The following TACC3 variants were observed in gnomAD, a reference collection of about 807,000 sequenced individuals.
TACC3 encodes the protein transforming acidic coiled-coil-containing protein 3.
A neutral mutation model predicts 86.0 loss-of-function variants in TACC3; 52 were observed. The observed-to-expected ratio is 0.60, with a 90% CI of 0.48 to 0.76. The LOEUF (loss-of-function observed/expected upper bound fraction) is 0.76. Ranked by LOEUF, TACC3 falls within the 30% of genes least tolerant of loss-of-function variation. The pLI is 0.00. For missense variants in TACC3, 1,120 were observed against 1,070.4 expected (o/e 1.05, Z -0.65); for synonymous variants, 512 against 430.0 (o/e 1.19, Z -2.36).
chr4:1,734,976 T>C (rs1471491392), intron 6 of TACC3, among the ~76,000 whole-genome samples: 1 of 152,258 alleles, frequency 6.6e-6, no homozygotes, highest in Non-Finnish European at 1.5e-5. Flanking sequence ...TAAAGACTAA[T>C]AGTTCTCAAC....
At chr4:1,737,753 G>T (rs1287221366) in intron 10 of TACC3, 51 bp downstream of exon 10, 1 of 1,514,480 alleles carries the variant, frequency 6.6e-7, no homozygotes, top group Non-Finnish European at 9.0e-7. Context: ...CCGCTCTGGG[G>T]CTTGGCCAAC....
At chr4:1,732,009 G>C (rs1284927165) in intron 6 of TACC3, among the ~76,000 whole-genome samples, 3 of 152,280 alleles carry the variant, frequency 2.0e-5, no homozygotes. Context: ...TTGTCCGTAA[G>C]ACTGGAGGCT....
chr4:1,728,135 G>A lies in TACC3; in HGVS notation c.733G>A (p.Ala245Thr), dbSNP rs946256771. 9 of 1,611,680 alleles carry A rather than the reference G, an allele frequency of 5.6e-6. No homozygotes were observed. The highest frequency in any genetic ancestry group is 3.3e-5 in the South Asian group (3 of 90,958). The part of the protein sequence containing the change: ...ECRHGGVCAP[A>T]AVATSPPGAI... The stretch of plus-strand genomic sequence containing the variant: ...CCGGCACGGTGGGGTCTGTGCTCCC[G>A]CAGCAGTGGCCACTTCGCCTCCTGG... The change falls in exon 4 of 16, where the codon GCA becomes ACA. Residue 245 changes from alanine (A) to threonine (T), a missense_variant. Ala to Thr is a moderately conservative substitution (Grantham distance 58, BLOSUM62 0). Transcript: ENST00000313288.
chr4:1,737,414 G>A, intron 9 of TACC3, 86 bp downstream of exon 9: 2 of 1,377,178 alleles, frequency 1.5e-6, no homozygotes, highest in Non-Finnish European at 2.0e-6. Context: ...CTATTCCTGG[G>A]GGTCTGAGCC....
chr4:1,728,535 C>T lies in TACC3; in HGVS notation c.1133C>T (p.Pro378Leu), dbSNP rs116204682. 2,473 of 1,613,976 alleles carry T rather than the reference C, an allele frequency of 1.5e-3. 27 individuals are homozygous for T. In the African/African-American group the frequency reaches 0.024, roughly 15 times the overall value. Residue 378 changes from proline to leucine, a missense_variant, in exon 4 of 16, where the codon CCG becomes CTG. Coordinates refer to ENST00000313288, the MANE Select transcript of TACC3 (RefSeq NM_006342.3). ...GCAGCAGTGAGGCAGCAAAAGGCCC[C>T]GCAGGAGGTGGAGGAGGACGACGGT... The part of the protein sequence containing the change: ...RKAAVRQQKA[P>L]QEVEEDDGRS...
chr4:1,721,521 C>G lies in TACC3; in HGVS notation c.-124C>G, dbSNP rs1421013625. 1 of 152,186 alleles carries G rather than the reference C, an allele frequency of 6.6e-6. No individual in the cohort carries two copies. The highest frequency in any genetic ancestry group is 1.9e-4 in the East Asian group (1 of 5,170). The allele number at this position is 152,186 out of a possible 1,614,324, so 9.4% of individuals were successfully genotyped here. Reference sequence around the variant, plus strand: ...GAAACTCCGGCGCGCCGGCGGCCATCAAGGGCTAGAAGCGCGACGGCGGTA... The same window carrying G: ...GAAACTCCGGCGCGCCGGCGGCCATGAAGGGCTAGAAGCGCGACGGCGGTA... On this transcript the variant is annotated 5_prime_UTR_variant, in exon 1 of 16. Transcript: ENST00000313288.
chr4:1,722,873 C>T (rs1717480999), intron 1 of TACC3, among the ~76,000 whole-genome samples: 1 of 152,136 alleles, frequency 6.6e-6, no homozygotes, highest in African/African-American at 2.4e-5. Context: ...CATCGTCTCC[C>T]AGCTCCTCCT....
At position 1,745,013 on chromosome 4, in the gene TACC3, ACCT is replaced by A. The variant is rs767320506; in HGVS notation, c.*3_*5del. On this transcript the variant is annotated 3_prime_UTR_variant, in exon 16 of 16. Transcript: ENST00000313288. ...TCATCTCCAAGATGGAGAAGATCTG[ACCT>A]CCACGGAGCCGCTGTCCCCGCCCCC... 6.2e-7 allele frequency: 1 copy of A among 1,604,776 alleles called. No homozygotes were observed. Among genetic ancestry groups the A allele is most frequent in the Non-Finnish European group, 8.5e-7 (1 of 1,176,482 alleles).
At chr4:1,724,793 G>A (rs771114073) in intron 3 of TACC3, among the ~76,000 whole-genome samples, 1 of 151,874 alleles carries the variant, frequency 6.6e-6, no homozygotes, top group Non-Finnish European at 1.5e-5. Flanking sequence ...ACAGAGTTTC[G>A]CTCTGTCACC....
chr4:1,723,616 A>T, intron 2 of TACC3, 33 bp downstream of exon 2: 1 of 1,608,966 alleles, frequency 6.2e-7, no homozygotes. Flanking sequence ...GTGGCTGGCC[A>T]GGTTGCCCTA....
At chr4:1,731,360 T>G in intron 6 of TACC3, 59 bp downstream of exon 6, 1 of 1,587,894 alleles carries the variant, frequency 6.3e-7, no homozygotes, top group Non-Finnish European at 8.6e-7. Flanking sequence ...CCGTGAGCAC[T>G]TGGGCAGCTC....
intron 6 of TACC3, among the ~76,000 whole-genome samples, chr4:1,733,092 G>A (rs1040048054): frequency 1.3e-5 from 2 of 152,112 alleles, no homozygotes; most frequent in Non-Finnish European, 2.9e-5. Context: ...CGCCAGCGCT[G>A]CTTGTCTGTC....
chr4:1,728,798 G>A lies in TACC3; in HGVS notation c.1385+11G>A, dbSNP rs763151899. ...TCCCTGTCTGAGCCAGTAAGTGTGAGGATGGGATGGGGAGCGTGGCGTGGG... is the reference window on the plus strand; with the variant it reads ...TCCCTGTCTGAGCCAGTAAGTGTGAAGATGGGATGGGGAGCGTGGCGTGGG... On this transcript the variant is annotated intron_variant, in intron 4 of 15. Coordinates refer to ENST00000313288, the MANE Select transcript of TACC3 (RefSeq NM_006342.3). The A allele has an allele frequency of 2.5e-6, 4 of 1,593,290 alleles. No homozygotes were observed. In the African/African-American group the frequency reaches 4.0e-5, roughly 16 times the overall value.
rs201599510 is a variant in TACC3 at position 1,728,792 on chromosome 4, G to T, written c.1385+5G>T. 6.3e-7 allele frequency: 1 copy of T among 1,597,836 alleles called. No homozygotes were observed. Among genetic ancestry groups the T allele is most frequent in the African/African-American group, 1.3e-5 (1 of 74,610 alleles). ...GCCAGGTCCCTGTCTGAGCCAGTAA[G>T]TGTGAGGATGGGATGGGGAGCGTGG... On this transcript the variant is annotated splice_donor_5th_base_variant and intron_variant, in intron 4 of 15. Coordinates refer to ENST00000313288, the MANE Select transcript of TACC3 (RefSeq NM_006342.3).
In TACC3 at chr4:1,737,633, G is replaced by T; in HGVS notation, c.1872G>T (p.Gly624=). The stretch of plus-strand genomic sequence containing the variant: ...CACCCCCAGGTGTTCCCGCGCCTGG[G>T]GGCCCACCCCTGTCCACCGGACCTA... The part of the protein sequence containing the change: ...PGPPPGVPAP[G]GPPLSTGPIV... Residue 624 remains glycine, a synonymous_variant, in exon 10 of 16, where the codon GGG becomes GGT. Coordinates refer to ENST00000313288, the MANE Select transcript of TACC3 (RefSeq NM_006342.3). 6.5e-7 allele frequency: 1 copy of T among 1,534,578 alleles called. No individual in the cohort carries two copies. The highest frequency in any genetic ancestry group is 8.8e-7 in the Non-Finnish European group (1 of 1,137,486).
At chr4:1,737,936 C>T (rs1474960386) in intron 10 of TACC3, 2 of 634,630 alleles carry the variant, frequency 3.2e-6, no homozygotes, top group Admixed American at 2.1e-5. Context: ...AGCAGCCTCC[C>T]CGGGACTCTC....
chr4:1,723,672 G>A (rs767813161), intron 2 of TACC3, 56 bp from the exon 3 acceptor site: 4 of 1,612,328 alleles, frequency 2.5e-6, no homozygotes, highest in Non-Finnish European at 3.4e-6. Context: ...CACTGCTGGT[G>A]TGGCTGTAAC....
chr4:1,723,734 T>C lies in TACC3; in HGVS notation c.169T>C (p.Phe57Leu). The change falls in exon 3 of 16, where the codon TTT becomes CTT. Residue 57 changes from phenylalanine (F) to leucine (L), a missense_variant. By Grantham distance (22) the Phe-to-Leu change is conservative. Transcript: ENST00000313288. ...CCTCCTCACTCCGCAACAGGTGACT[T>C]TTCAGACACCTCTGCGGGATCCACA... ...KNLAKAMKVT[F>L]QTPLRDPQTH... 1 of 1,613,724 alleles carries C rather than the reference T, an allele frequency of 6.2e-7. No homozygotes were observed. The highest frequency in any genetic ancestry group is 2.2e-5 in the East Asian group (1 of 44,886).
intron 5 of TACC3, 79 bp downstream of exon 5, chr4:1,731,041 G>A: frequency 1.3e-6 from 2 of 1,594,354 alleles, no homozygotes; most frequent in Non-Finnish European, 1.7e-6. Context: ...GCCCCCAGCA[G>A]CCTTGGGTGA....
Sources: allele counts gnomAD v4.1 joint callset (sites outside exome capture counted in the v4.1 genomes callset), GRCh38; gene constraint gnomAD v4.1.1; transcripts MANE v1.5; gene names NCBI Gene and HGNC (gene_info 2026-07-23, HGNC 2026-07-21).